The following ADAM32 variants were observed in gnomAD, a reference collection of about 807,000 sequenced individuals.
ADAM32 encodes the protein ADAM metallopeptidase domain 32, also known as disintegrin and metalloproteinase domain-containing protein 32.
A neutral mutation model predicts 114.9 loss-of-function variants in ADAM32; 89 were observed. That is an observed-to-expected ratio of 0.77 (90% CI 0.65 to 0.92). ADAM32 has a LOEUF of 0.92. ADAM32 is among the 40% of genes least tolerant of loss of function. The pLI is 0.00. For missense variants in ADAM32, 870 were observed against 932.8 expected, an observed-to-expected ratio of 0.93 and a Z score of 0.88; for synonymous variants, 285 against 307.5, an observed-to-expected ratio of 0.93 and a Z score of 0.77.
In ADAM32 at chr8:39,240,480, G is replaced by C. The variant is rs568788763; in HGVS notation, c.1819-5603G>C. Among the ~76,000 whole-genome samples, 6 of 152,292 alleles carry C rather than the reference G, an allele frequency of 3.9e-5. No individual in the cohort carries two copies. In the East Asian group the frequency reaches 9.6e-4, roughly 24 times the overall value. On this transcript the variant is annotated intron_variant, in intron 16 of 24. Transcript: ENST00000379907. ...TGCCTACATCGAAAAGTCTGAAAGA[G>C]AAAAAATAGACAACCTAAGGTCATT...
intron 10 of ADAM32, among the ~76,000 whole-genome samples, chr8:39,174,457 G>C (rs1805387023): frequency 9.8e-6 from 1 of 102,146 alleles, no homozygotes; most frequent in African/African-American, 3.7e-5. Context: ...CTCTTTTTTG[G>C]TTCCATATGA....
At chr8:39,194,406 G>C (rs1564572725) in intron 11 of ADAM32, among the ~76,000 whole-genome samples, 1 of 152,128 alleles carries the variant, frequency 6.6e-6, no homozygotes, top group Non-Finnish European at 1.5e-5. Flanking sequence ...TGTTTTGGCA[G>C]GGTGCACCTG....
In ADAM32 at chr8:39,169,899, T is replaced by C. The variant is rs1179317331; in HGVS notation, c.834-17T>C. The C allele has an allele frequency of 6.7e-7, 1 of 1,494,564 alleles. No homozygotes were observed. Among genetic ancestry groups the C allele is most frequent in the South Asian group, 1.3e-5 (1 of 79,548 alleles). The allele number at this position is 1,494,564 out of a possible 1,614,324, so 92.6% of individuals were successfully genotyped here. On this transcript the variant is annotated splice_polypyrimidine_tract_variant and intron_variant, in intron 9 of 24. Coordinates refer to ENST00000379907, the MANE Select transcript of ADAM32 (RefSeq NM_145004.7). ...TGTCTGTTAAAATCAATTATAAATG[T>C]AAATTTATTTATTTAGTTATATGGA...
At chr8:39,280,215 C>T (rs1813339562) in intron 22 of ADAM32, among the ~76,000 whole-genome samples, 1 of 152,188 alleles carries the variant, frequency 6.6e-6, no homozygotes, top group Non-Finnish European at 1.5e-5. Flanking sequence ...GTTATGAAAA[C>T]CACATCTTTT....
chr8:39,231,648 T>C (rs950833736), intron 14 of ADAM32, among the ~76,000 whole-genome samples: 1 of 152,226 alleles, frequency 6.6e-6, no homozygotes, highest in Non-Finnish European at 1.5e-5. Flanking sequence ...TTCTTCTCAT[T>C]GAAGAAATTT....
chr8:39,180,455 G>A (rs576257177), intron 10 of ADAM32, among the ~76,000 whole-genome samples: 67 of 152,336 alleles, frequency 4.4e-4, no homozygotes, highest in African/African-American at 7.0e-4. Flanking sequence ...CCCGACGAGC[G>A]CTGCCCCCTG....
chr8:39,146,173 T>C (rs1803493757), intron 3 of ADAM32, among the ~76,000 whole-genome samples: 1 of 152,036 alleles, frequency 6.6e-6, no homozygotes, highest in Non-Finnish European at 1.5e-5. Flanking sequence ...TGACGGTGGG[T>C]TGAAGAGTGA....
Position 39,221,675 on chromosome 8 carries a change from T to C in ADAM32, c.1299T>C (p.Tyr433=), listed in dbSNP as rs1335401137. ...TCVLKDGAKC[Y]KGLCCKDCQI... ...TACTGAAAGACGGAGCAAAATGTTA[T>C]AAAGGACTGTGCTGCAAAGACTGTC... The change falls in exon 13 of 25, where the codon TAT becomes TAC. Residue 433 remains tyrosine, a synonymous_variant. Transcript: ENST00000379907. The C allele has an allele frequency of 1.2e-6, 2 of 1,611,830 alleles. No individual in the cohort carries two copies. The highest frequency in any genetic ancestry group is 1.1e-5 in the South Asian group (1 of 90,844).
Position 39,199,251 on chromosome 8 carries a change from C to T in ADAM32, c.1053-11893C>T, listed in dbSNP as rs181877557. On this transcript the variant is annotated intron_variant, in intron 11 of 24. Transcript: ENST00000379907. ...GTTACCTGTATCTTGATGTCTATAT[C>T]TCTTGCAAAACTTTGGAGAGTTTCA... Among the ~76,000 whole-genome samples the T allele has an allele frequency of 6.7e-4, 102 of 152,288 alleles. 2 individuals are homozygous for T. The East Asian group carries it at 0.014, about 21-fold the overall frequency.
At chr8:39,183,067 T>C (rs1309336385) in intron 10 of ADAM32, among the ~76,000 whole-genome samples, 2 of 152,230 alleles carry the variant, frequency 1.3e-5, no homozygotes, top group African/African-American at 4.8e-5. Context: ...GTTCTGTGAT[T>C]GTTTCTGATG....
intron 16 of ADAM32, among the ~76,000 whole-genome samples, chr8:39,242,790 C>G (rs576058997): frequency 1.3e-5 from 2 of 152,166 alleles, no homozygotes; most frequent in South Asian, 4.2e-4. Context: ...TAACAAAGAT[C>G]AGAGCAGAAG....
intron 6 of ADAM32, among the ~76,000 whole-genome samples, chr8:39,159,854 G>T (rs1420639501): frequency 6.6e-6 from 1 of 152,144 alleles, no homozygotes; most frequent in Non-Finnish European, 1.5e-5. Flanking sequence ...AGGAATATGG[G>T]CCTCTATCTT....
At chr8:39,284,549 A>AT in intron 24 of ADAM32, among the ~76,000 whole-genome samples, 1 of 151,786 alleles carries the variant, frequency 6.6e-6, no homozygotes. Context: ...AAAAATTTTA[A>AT]TTTTTTCATT....
intron 11 of ADAM32, among the ~76,000 whole-genome samples, chr8:39,199,637 TA>T (rs1407827325): frequency 6.6e-6 from 1 of 152,176 alleles, no homozygotes. Context: ...TTTTTAAAAT[TA>T]TACCTTAAGT....
chr8:39,213,552 T>C (rs1350986109), intron 12 of ADAM32, among the ~76,000 whole-genome samples: 1 of 152,168 alleles, frequency 6.6e-6, no homozygotes, highest in Non-Finnish European at 1.5e-5. Flanking sequence ...CTATTGCACA[T>C]ACATCTACCA....
At position 39,274,300 on chromosome 8, in the gene ADAM32, A is replaced by T; in HGVS notation, c.2202-12A>T. On this transcript the variant is annotated splice_polypyrimidine_tract_variant and intron_variant, in intron 20 of 24. Coordinates refer to ENST00000379907, the MANE Select transcript of ADAM32 (RefSeq NM_145004.7). ...GTACTAACTTGAGACATTGCTTTCA[A>T]TTTTTTTTTAGATCCAGCTCAGAAG... 1 of 1,594,436 alleles carries T rather than the reference A, an allele frequency of 6.3e-7. No homozygotes were observed.
At chr8:39,195,162 C>T (rs897964462) in intron 11 of ADAM32, among the ~76,000 whole-genome samples, 1 of 152,206 alleles carries the variant, frequency 6.6e-6, no homozygotes, top group Non-Finnish European at 1.5e-5. Flanking sequence ...TTATTGCCTT[C>T]TCTGAAGATC....
Position 39,233,887 on chromosome 8 carries a change from TTA to T in ADAM32, c.1635-10_1635-9del, listed in dbSNP as rs1809914591. 1.4e-6 allele frequency: 2 copies of T among 1,436,950 alleles called. No homozygotes were observed. Among genetic ancestry groups the T allele is most frequent in the Non-Finnish European group, 1.8e-6 (2 of 1,082,954 alleles). The allele number at this position is 1,436,950 out of a possible 1,614,324, so 89.0% of individuals were successfully genotyped here. ...AATGTATAATAATCATATATATTTT[TTA>T]TGTTTTCAGGAATCTTATATGTGGA... is the stretch of plus-strand genomic sequence containing the variant. On this transcript the variant is annotated splice_polypyrimidine_tract_variant and intron_variant, in intron 15 of 24. Transcript: ENST00000379907.
intron 12 of ADAM32, chr8:39,220,832 A>C (rs962822284): frequency 2.0e-5 from 3 of 152,066 alleles, no homozygotes; most frequent in Admixed American, 2.0e-4. Flanking sequence ...TTAGCTTAGC[A>C]TATGGTCTAT....
Sources: allele counts gnomAD v4.1 joint callset (sites outside exome capture counted in the v4.1 genomes callset), GRCh38; gene constraint gnomAD v4.1.1; transcripts MANE v1.5; gene names NCBI Gene and HGNC (gene_info 2026-07-23, HGNC 2026-07-21).